Variants in SUPT20H observed in about 807,000 individuals in gnomAD.
SUPT20H encodes transcription factor SPT20 homolog.
In SUPT20H, 82 loss-of-function variants were observed where a neutral mutation model predicts 122.8. The observed-to-expected ratio is 0.67, with a 90% CI of 0.56 to 0.80. The LOEUF is 0.80. Among genes scored for constraint, SUPT20H ranks in the 30% least tolerant of loss-of-function variants. SUPT20H has a pLI of 0.00. For synonymous variants in SUPT20H, 291 were observed against 313.0 expected (o/e 0.93, Z 0.74); for missense variants, 831 against 921.6 (o/e 0.90, Z 1.27).
At chr13:37,025,488 C>A (rs1392280533) in intron 16 of SUPT20H, 51 bp from the exon 17 acceptor site, 4 of 1,254,070 alleles carry the variant, frequency 3.2e-6, no homozygotes, top group Non-Finnish European at 3.4e-6. Context: ...GTTTTAAACA[C>A]AAATTTATTT....
chr13:37,037,098 G>A (rs971012766), intron 9 of SUPT20H, among the ~76,000 whole-genome samples: 4 of 151,858 alleles, frequency 2.6e-5, no homozygotes, highest in Middle Eastern at 3.4e-3. Context: ...TCAGGAGGCC[G>A]AGGTGGGAGG....
chr13:37,014,715 G>A (rs2060143956), intron 23 of SUPT20H, among the ~76,000 whole-genome samples: 1 of 152,094 alleles, frequency 6.6e-6, no homozygotes, highest in Non-Finnish European at 1.5e-5. Context: ...AGAAGGAAAT[G>A]TGTAACATTA....
chr13:37,037,720 T>C (rs2064751691), intron 9 of SUPT20H, among the ~76,000 whole-genome samples: 1 of 152,220 alleles, frequency 6.6e-6, no homozygotes. Context: ...ACTCTGCTAA[T>C]ATTGTGTGAA....
intron 1 of SUPT20H, among the ~76,000 whole-genome samples, chr13:37,052,014 T>C (rs1351218366): frequency 1.3e-5 from 2 of 152,126 alleles, no homozygotes; most frequent in Non-Finnish European, 2.9e-5. Flanking sequence ...TGATAAAAAA[T>C]CCTCTTATTA....
chr13:37,016,888 T>C (rs2060604626), intron 23 of SUPT20H, among the ~76,000 whole-genome samples: 1 of 152,186 alleles, frequency 6.6e-6, no homozygotes, highest in African/African-American at 2.4e-5. Context: ...GATATCTTTA[T>C]TCCAATAGCA....
chr13:37,013,794 A>C (rs1253396359), intron 23 of SUPT20H: 1 of 152,084 alleles, frequency 6.6e-6, no homozygotes, highest in African/African-American at 2.4e-5. Flanking sequence ...AAAAGATTGG[A>C]CAAAAGAGCA....
In SUPT20H at chr13:37,044,102, C is replaced by T. The variant is rs1395968371; in HGVS notation, c.372G>A (p.Leu124=). 6.2e-7 allele frequency: 1 copy of T among 1,611,148 alleles called. No homozygotes were observed. Among genetic ancestry groups the T allele is most frequent in the Non-Finnish European group, 8.5e-7 (1 of 1,178,734 alleles). ...CCTGAGATTTTTCTAGGAGATCAAC[C>T]AAAATAGGAGGTAATTCTTCTGCAT... ...YLDAEELPPI[L]VDLLEKSQVN... Residue 124 remains leucine (L), a synonymous_variant, in exon 7 of 26, where the codon TTG becomes TTA. Transcript: ENST00000350612.
In SUPT20H at chr13:37,021,579, C is replaced by T. The variant is rs1483320005; in HGVS notation, c.1685G>A (p.Gly562Asp). The T allele has an allele frequency of 6.2e-7, 1 of 1,613,004 alleles. No homozygotes were observed. The highest frequency in any genetic ancestry group is 1.3e-5 in the African/African-American group (1 of 74,842). ...SVCGAQALMSGSNPMLGCNTG... is the reference protein window; with the variant it reads ...SVCGAQALMSDSNPMLGCNTG... Reference sequence around the variant, plus strand: ...GTTACAGCCCAGCATGGGGTTTGAACCACTCATCAAAGCCTGGGCCCCACT... The same window carrying T: ...GTTACAGCCCAGCATGGGGTTTGAATCACTCATCAAAGCCTGGGCCCCACT... Residue 562 changes from glycine (G) to aspartate (D), a missense_variant, in exon 21 of 26, where the codon GGT becomes GAT. Transcript: ENST00000350612.
chr13:37,012,337 A>T, intron 23 of SUPT20H, 40 bp from the exon 24 acceptor site: 1 of 1,537,312 alleles, frequency 6.5e-7, no homozygotes, highest in Non-Finnish European at 8.9e-7. Context: ...CAAGAAAGAA[A>T]AACAAATTTG....
At chr13:37,032,302 A>G (rs1482803997) in intron 10 of SUPT20H, among the ~76,000 whole-genome samples, 1 of 152,082 alleles carries the variant, frequency 6.6e-6, no homozygotes, top group African/African-American at 2.4e-5. Context: ...ATGAGAAGGA[A>G]TTAGCTATGG....
chr13:37,010,263 T>C (rs549368142), intron 25 of SUPT20H, among the ~76,000 whole-genome samples: 26 of 152,326 alleles, frequency 1.7e-4, no homozygotes, highest in African/African-American at 5.5e-4. Flanking sequence ...AAGTTAACAA[T>C]TGGCACTTAC....
At chr13:37,012,471 G>T in intron 23 of SUPT20H, 174 bp from the exon 24 acceptor site, 1 of 481,448 alleles carries the variant, frequency 2.1e-6, no homozygotes, top group Non-Finnish European at 3.7e-6. Flanking sequence ...ATAAATTTAT[G>T]GTATTTGAAC....
At chr13:37,024,847 T>C (rs1426567044) in intron 17 of SUPT20H, 3 of 167,666 alleles carry the variant, frequency 1.8e-5, no homozygotes, top group Non-Finnish European at 3.9e-5. Context: ...TTTATCTTTG[T>C]GTACATTTAA....
chr13:37,028,105 C>T, intron 14 of SUPT20H, 43 bp downstream of exon 14: 1 of 1,500,532 alleles, frequency 6.7e-7, no homozygotes, highest in Non-Finnish European at 8.9e-7. Context: ...TTCTTGGTGC[C>T]TTATTTTTTT....
At chr13:37,050,475 T>C (rs540044659) in intron 2 of SUPT20H, among the ~76,000 whole-genome samples, 21 of 152,270 alleles carry the variant, frequency 1.4e-4, no homozygotes, top group African/African-American at 4.3e-4. Flanking sequence ...AACATAATTC[T>C]GTACATATAC....
intron 6 of SUPT20H, 106 bp from the exon 7 acceptor site, chr13:37,044,287 T>C: frequency 2.6e-6 from 2 of 776,122 alleles, no homozygotes; most frequent in Non-Finnish European, 3.9e-6. Flanking sequence ...CCAAAAGGCA[T>C]TTCAACCAAG....
At chr13:37,055,508 C>A (rs1255268254) in intron 1 of SUPT20H, among the ~76,000 whole-genome samples, 1 of 152,122 alleles carries the variant, frequency 6.6e-6, no homozygotes, top group Admixed American at 6.5e-5. Flanking sequence ...CCAAAACAAG[C>A]AATGGGGAAA....
chr13:37,037,493 G>A (rs2064701895), intron 9 of SUPT20H, among the ~76,000 whole-genome samples: 1 of 152,230 alleles, frequency 6.6e-6, no homozygotes, highest in Non-Finnish European at 1.5e-5. Flanking sequence ...GAATGGTCAG[G>A]TTGTAAGAGT....
rs1034572517 is a variant in SUPT20H at position 37,040,490 on chromosome 13, A to T, written c.514-32T>A. The T allele has an allele frequency of 1.9e-6, 3 of 1,567,974 alleles. No homozygotes were observed. In the East Asian group the frequency reaches 6.7e-5, roughly 35 times the overall value. On this transcript the variant is annotated intron_variant, in intron 8 of 25. Transcript: ENST00000350612. ...GAAATAAAAATTTAAAAAACTTATT[A>T]ATCTATGCACAAACATATGAAGAAT...
Sources: allele counts gnomAD v4.1 joint callset (sites outside exome capture counted in the v4.1 genomes callset), GRCh38; gene constraint gnomAD v4.1.1; transcripts MANE v1.5; gene names NCBI Gene and HGNC (gene_info 2026-07-23, HGNC 2026-07-21).